Variants in BTBD16 observed in about 807,000 individuals in gnomAD.
The protein encoded by BTBD16 is BTB/POZ domain-containing protein 16.
In BTBD16, 66 loss-of-function variants were observed where a neutral mutation model predicts 67.4. The observed-to-expected ratio is 0.98, with a 90% CI of 0.80 to 1.20. The LOEUF is 1.20. BTBD16 is among the 50% of genes most tolerant of loss of function. BTBD16 has a pLI of 0.00. For missense variants in BTBD16, 634 were observed against 616.0 expected (o/e 1.03, Z -0.31); for synonymous variants, 242 against 236.4 (o/e 1.02, Z -0.22).
At chr10:122,273,245 T>TATATATATATATATATATAC (rs1249462780) in intron 1 of BTBD16, among the ~76,000 whole-genome samples, 19 of 139,472 alleles carry the variant, frequency 1.4e-4, no homozygotes, top group Admixed American at 4.3e-4. Flanking sequence ...TATATATATA[T>TATATATATATATATATATAC]ACACACATAC....
At chr10:122,299,216 A>T in intron 9 of BTBD16, 82 bp downstream of exon 9, 2 of 1,504,050 alleles carry the variant, frequency 1.3e-6, no homozygotes, top group South Asian at 2.5e-5. Context: ...AGGTGCTCTG[A>T]TGGAGGCTGC....
intron 5 of BTBD16, among the ~76,000 whole-genome samples, chr10:122,287,983 T>C (rs1380734544): frequency 2.0e-5 from 3 of 152,184 alleles, no homozygotes; most frequent in African/African-American, 7.2e-5. Flanking sequence ...GAATACTGAA[T>C]TCCTATCTTT....
chr10:122,322,956 C>T (rs1845360093), intron 10 of BTBD16, among the ~76,000 whole-genome samples: 1 of 152,152 alleles, frequency 6.6e-6, no homozygotes, highest in Admixed American at 6.5e-5. Flanking sequence ...AAGCATGGCT[C>T]CCGCACTGGC....
intron 9 of BTBD16, among the ~76,000 whole-genome samples, chr10:122,300,433 T>G (rs1307239379): frequency 1.3e-5 from 2 of 152,148 alleles, no homozygotes; most frequent in Non-Finnish European, 2.9e-5. Context: ...GTTCAATTTC[T>G]GCCCTGCTTG....
intron 10 of BTBD16, among the ~76,000 whole-genome samples, chr10:122,317,410 G>T (rs2096427285): frequency 1.3e-5 from 2 of 152,090 alleles, no homozygotes; most frequent in African/African-American, 2.4e-5. Flanking sequence ...CACTTTGGGA[G>T]GCCGAGGCTG....
chr10:122,299,140 A>T lies in BTBD16; in HGVS notation c.791+6A>T, dbSNP rs1234458697. ...AAAGTGCTGAAGTCCCCCAGGTCAG[A>T]GCTGGCTCCCAGGGTGCGGCCCCTG... On this transcript the variant is annotated splice_donor_region_variant and intron_variant, in intron 9 of 15. Coordinates refer to ENST00000260723, the MANE Select transcript of BTBD16 (RefSeq NM_144587.5). 1 of 1,613,320 alleles carries T rather than the reference A, an allele frequency of 6.2e-7. No individual in the cohort carries two copies. Among genetic ancestry groups the T allele is most frequent in the Admixed American group, 1.7e-5 (1 of 59,976 alleles).
At chr10:122,314,777 A>T (rs2096420929) in intron 10 of BTBD16, among the ~76,000 whole-genome samples, 1 of 152,086 alleles carries the variant, frequency 6.6e-6, no homozygotes, top group Non-Finnish European at 1.5e-5. Context: ...TTCTACATAT[A>T]ATTATGTGAT....
At chr10:122,301,854 AG>A (rs1378013858) in intron 9 of BTBD16, among the ~76,000 whole-genome samples, 2 of 152,212 alleles carry the variant, frequency 1.3e-5, no homozygotes, top group South Asian at 2.1e-4. Flanking sequence ...AACGATGGGC[AG>A]GGCAGGGCCT....
Position 122,275,085 on chromosome 10 carries a change from A to G in BTBD16, c.4A>G (p.Ile2Val). 1 of 1,613,940 alleles carries G rather than the reference A, an allele frequency of 6.2e-7. No individual in the cohort carries two copies. Among genetic ancestry groups the G allele is most frequent in the Non-Finnish European group, 8.5e-7 (1 of 1,179,926 alleles). Residue 2 changes from isoleucine (I) to valine (V), a missense_variant, in exon 2 of 16, where the codon ATA becomes GTA. Coordinates refer to ENST00000260723, the MANE Select transcript of BTBD16 (RefSeq NM_144587.5). Reference sequence around the variant, plus strand: ...TGCGTAATTTCCACTTTCATTCATGATAATGTCGAACACGGTGAGTAGATC... The same window carrying G: ...TGCGTAATTTCCACTTTCATTCATGGTAATGTCGAACACGGTGAGTAGATC... M[I>V]MSNTHKARLE...
intron 4 of BTBD16, 147 bp downstream of exon 4, chr10:122,284,071 A>G (rs2096358529): frequency 4.7e-6 from 3 of 639,182 alleles, no homozygotes; most frequent in Non-Finnish European, 8.4e-6. Flanking sequence ...CTAAGAAATA[A>G]TAGGTGCCCG....
At chr10:122,316,748 G>A (rs1008438985) in intron 10 of BTBD16, among the ~76,000 whole-genome samples, 7 of 151,748 alleles carry the variant, frequency 4.6e-5, no homozygotes, top group Non-Finnish European at 7.4e-5. Context: ...TGAATGGTGC[G>A]TGAATGTTAA....
At chr10:122,297,565 TGGCC>T (rs2096385553) in intron 7 of BTBD16, among the ~76,000 whole-genome samples, 199 bp from the exon 8 acceptor site, 1 of 152,264 alleles carries the variant, frequency 6.6e-6, no homozygotes. Flanking sequence ...ATTTGATTTC[TGGCC>T]TCATCTCCCA....
chr10:122,279,347 C>T (rs1171373282), intron 3 of BTBD16, among the ~76,000 whole-genome samples: 2 of 151,918 alleles, frequency 1.3e-5, no homozygotes, highest in East Asian at 1.9e-4. Context: ...GGTATGCTGG[C>T]TTGAACCTGT....
intron 3 of BTBD16, among the ~76,000 whole-genome samples, chr10:122,282,828 C>T (rs764429954): frequency 6.6e-5 from 10 of 152,160 alleles, no homozygotes; most frequent in African/African-American, 1.7e-4. Context: ...AATCCCAGGA[C>T]GGGCAGGGGT....
At chr10:122,299,426 GA>G (rs2096389882) in intron 9 of BTBD16, among the ~76,000 whole-genome samples, 1 of 152,068 alleles carries the variant, frequency 6.6e-6, no homozygotes, top group South Asian at 2.1e-4. Flanking sequence ...GTAATTTTTA[GA>G]AAAAATCCTG....
intron 2 of BTBD16, among the ~76,000 whole-genome samples, chr10:122,276,303 C>T (rs1467133780): frequency 6.6e-6 from 1 of 152,178 alleles, no homozygotes; most frequent in Admixed American, 6.5e-5. Flanking sequence ...GTATTGGTTG[C>T]ATAACGTTGT....
At chr10:122,286,312 G>A in intron 5 of BTBD16, 64 bp downstream of exon 5, 3 of 1,530,088 alleles carry the variant, frequency 2.0e-6, no homozygotes. Context: ...GTCCCAGCTT[G>A]GAACATGGTT....
intron 3 of BTBD16, among the ~76,000 whole-genome samples, chr10:122,283,116 A>T (rs1301002866): frequency 6.6e-6 from 1 of 152,222 alleles, no homozygotes; most frequent in East Asian, 1.9e-4. Context: ...GAAACACTGG[A>T]GGATTCTCAG....
intron 13 of BTBD16, chr10:122,333,100 T>TGAAA: frequency 2.8e-6 from 1 of 358,164 alleles, no homozygotes; most frequent in Non-Finnish European, 3.9e-6. Flanking sequence ...GTGATCTCCT[T>TGAAA]TGATTATTTC....
Sources: allele counts gnomAD v4.1 joint callset (sites outside exome capture counted in the v4.1 genomes callset), GRCh38; gene constraint gnomAD v4.1.1; transcripts MANE v1.5; gene names NCBI Gene and HGNC (gene_info 2026-07-23, HGNC 2026-07-21).